The following EVA1C variants were observed in gnomAD, a reference collection of about 807,000 sequenced individuals.
EVA1C encodes eva-1 homolog C, also known as protein eva-1 homolog C.
In EVA1C, 25 loss-of-function variants were observed where a neutral mutation model predicts 45.4. The ratio of observed to expected loss-of-function variants is 0.55; its 90% CI spans 0.40 to 0.77. The LOEUF (loss-of-function observed/expected upper bound fraction) is 0.77, where lower values mean the gene tolerates loss of function less well. EVA1C is among the 30% of genes least tolerant of loss of function. The probability of loss-of-function intolerance (pLI) is 0.00; values close to 1 mark genes in which losing one functional copy is unlikely to be tolerated. For synonymous variants in EVA1C, 190 were observed against 221.2 expected (o/e 0.86, Z 1.25); for missense variants, 479 against 554.8 (o/e 0.86, Z 1.37).
chr21:32,482,246 A>C (rs373882193), intron 4 of EVA1C, among the ~76,000 whole-genome samples: 1 of 152,210 alleles, frequency 6.6e-6, no homozygotes, highest in South Asian at 2.1e-4. Flanking sequence ...GATTTTTCAC[A>C]CAAGCTTAGA....
intron 4 of EVA1C, among the ~76,000 whole-genome samples, chr21:32,485,854 T>TA (rs369969466): frequency 2.1e-4 from 32 of 152,344 alleles, no homozygotes; most frequent in African/African-American, 7.2e-4. Flanking sequence ...ATGTAACTGT[T>TA]ACAGCCACTC....
intron 1 of EVA1C, among the ~76,000 whole-genome samples, chr21:32,447,112 G>A (rs1251002440): frequency 6.6e-6 from 1 of 152,182 alleles, no homozygotes; most frequent in Non-Finnish European, 1.5e-5. Context: ...AAATCTAATA[G>A]GTATGAGCCT....
intron 5 of EVA1C, among the ~76,000 whole-genome samples, chr21:32,496,415 T>G (rs1246758364): frequency 6.6e-6 from 1 of 152,370 alleles, no homozygotes; most frequent in East Asian, 1.9e-4. Flanking sequence ...CTCTGCAATA[T>G]CAATGCTGCA....
intron 1 of EVA1C, among the ~76,000 whole-genome samples, chr21:32,448,543 G>A (rs898837529): frequency 1.3e-4 from 20 of 152,062 alleles, no homozygotes; most frequent in African/African-American, 3.1e-4. Context: ...CTATCCTGGG[G>A]CCGAGGTGAT....
At chr21:32,507,830 T>C (rs542513527) in intron 7 of EVA1C, among the ~76,000 whole-genome samples, 68 of 151,524 alleles carry the variant, frequency 4.5e-4, no homozygotes, top group Non-Finnish European at 7.4e-4. Context: ...GTGTGTTGCA[T>C]GTGTGTGCAT....
At chr21:32,429,562 C>A (rs1481228540) in intron 1 of EVA1C, among the ~76,000 whole-genome samples, 3 of 142,616 alleles carry the variant, frequency 2.1e-5, no homozygotes, top group Non-Finnish European at 4.6e-5. Flanking sequence ...CCATGTTGGC[C>A]AGGCAGGTCT....
At chr21:32,485,502 A>G (rs2036944882) in intron 4 of EVA1C, among the ~76,000 whole-genome samples, 1 of 151,732 alleles carries the variant, frequency 6.6e-6, no homozygotes, top group Non-Finnish European at 1.5e-5. Context: ...TTCTTCTTTC[A>G]TGGAGCCCAT....
chr21:32,502,013 TTTC>T, intron 6 of EVA1C, among the ~76,000 whole-genome samples: 1 of 136,594 alleles, frequency 7.3e-6, no homozygotes, highest in Non-Finnish European at 1.5e-5. Context: ...TCTTTCTTTC[TTTC>T]TTTCTTTCTT....
rs1229533017 is a variant in EVA1C at position 32,514,853 on chromosome 21, T to C, written c.989T>C (p.Val330Ala). Residue 330 changes from valine to alanine, a missense_variant, in exon 8 of 8, where the codon GTC (valine) becomes GCC (alanine). By Grantham distance (64) the Val-to-Ala change is moderately conservative. This residue lies in a region of EVA1C where 366 missense variants were observed against 426.1 expected (regional missense o/e 0.86). Transcript: ENST00000300255. ...GCTGCCCTGCTGTTCGTGTCCAGTGTCTGCATCGGCCTGGCCCTCACACTG... is the reference window on the plus strand; with the variant it reads ...GCTGCCCTGCTGTTCGTGTCCAGTGCCTGCATCGGCCTGGCCCTCACACTG... ...ERAALLFVSSVCIGLALTLCA... is the reference protein window; with the variant it reads ...ERAALLFVSSACIGLALTLCA... The C allele has an allele frequency of 6.9e-6, 11 of 1,600,384 alleles. No homozygotes were observed. Among genetic ancestry groups the C allele is most frequent in the South Asian group, 3.4e-5 (3 of 89,464 alleles).
At chr21:32,491,681 CAAAAAAAAAA>C (rs34286023) in intron 4 of EVA1C, among the ~76,000 whole-genome samples, 9 of 57,682 alleles carry the variant, frequency 1.6e-4, no homozygotes, top group East Asian at 5.7e-4. Context: ...GAGACTCTGT[CAAAAAAAAAA>C]AAAAAAAAAA....
chr21:32,452,446 C>T lies in EVA1C; in HGVS notation c.161-866C>T, dbSNP rs1203715446. On this transcript the variant is annotated intron_variant, in intron 1 of 7. Transcript: ENST00000300255. The surrounding 1 kb of genome is among the most constrained non-coding windows in gnomAD (Gnocchi z 4.0). ...ACAGGTCGTGGGGAGCGTTTTTGGG[C>T]TCCGACCCCACAGCAGCTTGTAGAA... 2 of 152,272 alleles carry T rather than the reference C, an allele frequency of 1.3e-5. No individual in the cohort carries two copies. The highest frequency in any genetic ancestry group is 2.9e-5 in the Non-Finnish European group (2 of 68,086). The allele number at this position is 152,272 out of a possible 1,614,324, so 9.4% of individuals were successfully genotyped here. A position where few individuals can be genotyped will look rare whatever the true frequency, so the allele number is the denominator to read the frequency against.
intron 4 of EVA1C, among the ~76,000 whole-genome samples, chr21:32,478,151 T>G (rs1264158518): frequency 6.6e-6 from 1 of 151,180 alleles, no homozygotes; most frequent in African/African-American, 2.4e-5. Context: ...ACTGAAGTCC[T>G]AACTCCCGGT....
At chr21:32,439,652 C>T (rs372765291) in intron 1 of EVA1C, among the ~76,000 whole-genome samples, 2 of 152,080 alleles carry the variant, frequency 1.3e-5, no homozygotes, top group Non-Finnish European at 1.5e-5. Context: ...TCTTTAGGCA[C>T]GGCTTTTTGG....
intron 7 of EVA1C, among the ~76,000 whole-genome samples, chr21:32,514,528 G>GCC (rs1230532575): frequency 6.6e-6 from 1 of 152,200 alleles, no homozygotes; most frequent in Non-Finnish European, 1.5e-5. Context: ...CACAGCTACT[G>GCC]AGTGGCAGAC....
At chr21:32,468,016 G>A (rs1011994890) in intron 4 of EVA1C, 168 bp downstream of exon 4, 2 of 343,628 alleles carry the variant, frequency 5.8e-6, no homozygotes, top group African/African-American at 4.3e-5. Context: ...TCCCGTGTGT[G>A]TGTGTATGTA....
chr21:32,504,479 C>T (rs2037658688), intron 7 of EVA1C, among the ~76,000 whole-genome samples: 1 of 152,166 alleles, frequency 6.6e-6, no homozygotes, highest in Non-Finnish European at 1.5e-5. Context: ...CCTTGTTAGT[C>T]TTCCCCATGA....
chr21:32,479,506 A>C (rs532850829), intron 4 of EVA1C, among the ~76,000 whole-genome samples: 1 of 152,278 alleles, frequency 6.6e-6, no homozygotes, highest in East Asian at 1.9e-4. Context: ...ACTAACAACA[A>C]CAACAACAAC....
intron 5 of EVA1C, among the ~76,000 whole-genome samples, chr21:32,501,085 T>A (rs919747557): frequency 6.6e-6 from 1 of 152,236 alleles, no homozygotes; most frequent in African/African-American, 2.4e-5. Context: ...AGTGCTAGGA[T>A]TACAGGTGTA....
chr21:32,488,743 A>G (rs1024500185), intron 4 of EVA1C, among the ~76,000 whole-genome samples: 2 of 151,952 alleles, frequency 1.3e-5, no homozygotes, highest in Non-Finnish European at 2.9e-5. Flanking sequence ...ACGCCACCAC[A>G]CCTGGCTAAT....
Sources: gnomAD v4.1 joint callset for allele counts (sites outside exome capture counted in the v4.1 genomes callset) on GRCh38, gnomAD v4.1.1 for gene constraint, gnomAD v4.1.1 regional missense constraint, Gnocchi (gnomAD v3.1) non-coding constraint, MANE v1.5 for transcripts, NCBI Gene and HGNC (gene_info 2026-07-23, HGNC 2026-07-21) for gene names.